DGKB: variants seen among roughly 807,000 people sequenced by gnomAD.
The protein encoded by DGKB is 90 kDa diacylglycerol kinase.
DGKB carries 67 observed loss-of-function variants against 114.3 expected under a neutral mutation model. The ratio of observed to expected loss-of-function variants is 0.59; its 90% confidence interval spans 0.48 to 0.72. The LOEUF is 0.72. DGKB is among the 30% of genes least tolerant of loss of function. The probability of loss-of-function intolerance (pLI) is 0.00; values close to 1 mark genes in which losing one functional copy is unlikely to be tolerated. For synonymous variants in DGKB, 398 were observed against 323.1 expected, an observed-to-expected ratio of 1.23 and a Z score of -2.49; for missense variants, 907 against 975.2, an observed-to-expected ratio of 0.93 and a Z score of 0.93.
At chr7:14,821,839 C>A (rs1489985672) in intron 2 of DGKB, among the ~76,000 whole-genome samples, 1 of 152,060 alleles carries the variant, frequency 6.6e-6, no homozygotes, top group African/African-American at 2.4e-5. Flanking sequence ...GAAGGAGGAT[C>A]CTGTGGTAGT....
intron 2 of DGKB, among the ~76,000 whole-genome samples, chr7:14,779,542 CCAT>C (rs1361295656): frequency 6.6e-6 from 1 of 151,930 alleles, no homozygotes; most frequent in Non-Finnish European, 1.5e-5. Context: ...ATGATTATAA[CCAT>C]CAATTAAGAT....
intron 2 of DGKB, among the ~76,000 whole-genome samples, chr7:14,810,028 CA>C (rs1843226860): frequency 6.6e-6 from 1 of 152,200 alleles, no homozygotes; most frequent in South Asian, 2.1e-4. Context: ...TCGGATTCTG[CA>C]TTAACTCCTT....
chr7:14,685,945 T>G (rs1213299589), intron 9 of DGKB, among the ~76,000 whole-genome samples: 2 of 152,202 alleles, frequency 1.3e-5, no homozygotes, highest in African/African-American at 4.8e-5. Context: ...CCAATTTATA[T>G]TAATACATTG....
At chr7:14,473,916 A>G (rs1443713136) in intron 21 of DGKB, among the ~76,000 whole-genome samples, 1 of 152,196 alleles carries the variant, frequency 6.6e-6, no homozygotes, top group Admixed American at 6.5e-5. Flanking sequence ...GTATCTAGGA[A>G]GTAACTAACT....
chr7:14,943,404 A>T (rs540895798), intron 1 of DGKB, among the ~76,000 whole-genome samples: 132 of 152,074 alleles, frequency 8.7e-4, no homozygotes, highest in Middle Eastern at 6.8e-3. Flanking sequence ...AGATAAAATG[A>T]TTACTTCCAG....
intron 21 of DGKB, among the ~76,000 whole-genome samples, chr7:14,405,861 G>A (rs534101743): frequency 2.6e-5 from 4 of 152,144 alleles, no homozygotes; most frequent in Non-Finnish European, 5.9e-5. Flanking sequence ...GAAGGACAAA[G>A]GAACCGAGGC....
chr7:14,525,906 G>A (rs1449018721), intron 20 of DGKB, among the ~76,000 whole-genome samples: 1 of 152,124 alleles, frequency 6.6e-6, no homozygotes, highest in African/African-American at 2.4e-5. Context: ...TATAGCATTG[G>A]AAATGGAAGG....
intron 5 of DGKB, among the ~76,000 whole-genome samples, chr7:14,725,064 T>C (rs909382434): frequency 6.6e-6 from 1 of 152,152 alleles, no homozygotes; most frequent in Non-Finnish European, 1.5e-5. Context: ...CCCAGCTACC[T>C]AGGGGGCTGA....
At chr7:14,532,740 G>A (rs961014674) in intron 20 of DGKB, among the ~76,000 whole-genome samples, 6 of 151,450 alleles carry the variant, frequency 4.0e-5, no homozygotes, top group African/African-American at 9.7e-5. Flanking sequence ...TTAGAAAATC[G>A]GTAAAGACAT....
intron 20 of DGKB, among the ~76,000 whole-genome samples, chr7:14,572,489 T>C (rs1390391444): frequency 1.3e-5 from 2 of 150,798 alleles, no homozygotes; most frequent in South Asian, 2.1e-4. Flanking sequence ...GTATAAAGTA[T>C]AGTAACAATG....
chr7:14,836,094 G>A (rs1458829813), intron 2 of DGKB, among the ~76,000 whole-genome samples: 1 of 152,036 alleles, frequency 6.6e-6, no homozygotes, highest in Non-Finnish European at 1.5e-5. Context: ...GTTACATTAC[G>A]AAGGCCATAC....
intron 23 of DGKB, among the ~76,000 whole-genome samples, chr7:14,236,680 T>C (rs567199505): frequency 1.2e-3 from 184 of 152,128 alleles, no homozygotes; most frequent in Non-Finnish European, 1.7e-3. Flanking sequence ...CTATGAATTA[T>C]ATATTAGAAA....
chr7:14,799,579 G>A (rs1404183630), intron 2 of DGKB, among the ~76,000 whole-genome samples: 1 of 152,148 alleles, frequency 6.6e-6, no homozygotes, highest in Non-Finnish European at 1.5e-5. Context: ...CCCTTCTAAG[G>A]TGAAGAAAAA....
intron 23 of DGKB, among the ~76,000 whole-genome samples, chr7:14,279,508 G>A (rs1258227974): frequency 1.3e-5 from 2 of 152,204 alleles, no homozygotes; most frequent in Non-Finnish European, 2.9e-5. Flanking sequence ...GAGAGCGGTG[G>A]TTCTCCCAGT....
intron 23 of DGKB, among the ~76,000 whole-genome samples, chr7:14,323,670 G>T (rs1336178634): frequency 6.6e-6 from 1 of 152,188 alleles, no homozygotes; most frequent in Non-Finnish European, 1.5e-5. Flanking sequence ...AAGGCTTTGA[G>T]ATGATGTCAT....
At chr7:14,944,247 A>T (rs1306629540) in intron 1 of DGKB, among the ~76,000 whole-genome samples, 1 of 151,922 alleles carries the variant, frequency 6.6e-6, no homozygotes, top group Non-Finnish European at 1.5e-5. Context: ...TCATAAAATT[A>T]GTAAACGATA....
intron 17 of DGKB, among the ~76,000 whole-genome samples, chr7:14,593,397 G>C (rs925514121): frequency 2.6e-5 from 4 of 151,928 alleles, no homozygotes; most frequent in African/African-American, 9.7e-5. Flanking sequence ...CTATGATGTA[G>C]CCTAAATATT....
chr7:14,541,788 T>C (rs1315803447), intron 20 of DGKB, among the ~76,000 whole-genome samples: 1 of 152,222 alleles, frequency 6.6e-6, no homozygotes. Context: ...GCATTCCCAA[T>C]TTGACGTCAG....
intron 23 of DGKB, among the ~76,000 whole-genome samples, chr7:14,188,753 A>G (rs1253042633): frequency 1.3e-5 from 2 of 152,044 alleles, no homozygotes; most frequent in Non-Finnish European, 2.9e-5. Flanking sequence ...GTCAAAAGTC[A>G]AAGACAATGA....
Sources: gnomAD v4.1 joint callset for allele counts (sites outside exome capture counted in the v4.1 genomes callset) on GRCh38, gnomAD v4.1.1 for gene constraint, MANE v1.5 for transcripts, NCBI Gene and HGNC (gene_info 2026-07-23, HGNC 2026-07-21) for gene names.